The following ARHGAP40 variants were observed in gnomAD, a reference collection of about 807,000 sequenced individuals.
ARHGAP40 encodes Rho GTPase activating protein 40, also known as rho GTPase-activating protein 40.
Under a neutral mutation model 73.5 loss-of-function variants are expected in ARHGAP40, and 43 were observed. That is an observed-to-expected ratio of 0.58 (90% confidence interval 0.46 to 0.75). ARHGAP40 has a LOEUF of 0.75. Among genes scored for constraint, ARHGAP40 ranks in the 30% least tolerant of loss-of-function variants. The probability of loss-of-function intolerance (pLI) is 0.00; values close to 1 mark genes in which losing one functional copy is unlikely to be tolerated. For missense variants in ARHGAP40, 734 were observed against 861.8 expected, an observed-to-expected ratio of 0.85 and a Z score of 1.86; for synonymous variants, 300 against 352.8, an observed-to-expected ratio of 0.85 and a Z score of 1.68.
chr20:38,621,220 A>T (rs995991418), intron 1 of ARHGAP40, among the ~76,000 whole-genome samples: 3 of 152,194 alleles, frequency 2.0e-5, no homozygotes, highest in African/African-American at 7.2e-5. Context: ...AGAACAAACA[A>T]ACATCCAATA....
intron 1 of ARHGAP40, among the ~76,000 whole-genome samples, chr20:38,607,995 T>C (rs2088781913): frequency 6.6e-6 from 1 of 152,226 alleles, no homozygotes; most frequent in Admixed American, 6.5e-5. Flanking sequence ...AGTAACACTT[T>C]ATCATTTGTT....
exon 7 of ARHGAP40, chr20:38,637,795 A>C: frequency 7.7e-7 from 1 of 1,305,066 alleles, no homozygotes; most frequent in Non-Finnish European, 1.0e-6. Context: ...CTGGTCCTTC[A>C]AGCCGTAAGT....
intron 2 of ARHGAP40, 146 bp downstream of exon 2, chr20:38,623,704 C>G: frequency 4.1e-6 from 2 of 492,168 alleles, no homozygotes; most frequent in South Asian, 4.6e-5. Context: ...CACTGCTCTC[C>G]CTGCTTCACC....
exon 4 of ARHGAP40, chr20:38,628,956 T>C: frequency 1.5e-6 from 2 of 1,305,068 alleles, no homozygotes; most frequent in Non-Finnish European, 2.0e-6. Context: ...GCGACTCCGG[T>C]ATGAAGGGGG....
In ARHGAP40 at chr20:38,602,988, A is replaced by G. The variant is rs139340722; in HGVS notation, c.137+909A>G. 2.3e-3 allele frequency among the ~76,000 whole-genome samples: 353 copies of G among 152,356 alleles called. 2 individuals are homozygous for G. The highest frequency in any genetic ancestry group is 7.9e-3 in the African/African-American group (329 of 41,578). On this transcript the variant is annotated intron_variant, in intron 1 of 14. Transcript: ENST00000373345. ...GCAATGAACATCTCTGGGGACTTGC[A>G]TGGGTAAAATTCACATCCTAGACTT...
intron 5 of ARHGAP40, among the ~76,000 whole-genome samples, chr20:38,633,305 A>G (rs2088952970): frequency 6.6e-6 from 1 of 152,208 alleles, no homozygotes; most frequent in Non-Finnish European, 1.5e-5. Flanking sequence ...AATGCTAAAG[A>G]CATCACATAT....
At chr20:38,615,164 A>G (rs1601135591) in intron 1 of ARHGAP40, 8 of 900,140 alleles carry the variant, frequency 8.9e-6, no homozygotes, top group South Asian at 7.8e-5. Flanking sequence ...TGTCTGAAGC[A>G]TGATTTAATG....
intron 11 of ARHGAP40, 109 bp from the exon 12 acceptor site, chr20:38,645,938 C>T (rs1215076447): frequency 9.6e-7 from 1 of 1,046,772 alleles, no homozygotes; most frequent in East Asian, 6.7e-5. Context: ...ATTTCCAAGC[C>T]CTGTGGGACG....
At chr20:38,605,122 G>A (rs950025704) in intron 1 of ARHGAP40, among the ~76,000 whole-genome samples, 3 of 152,196 alleles carry the variant, frequency 2.0e-5, no homozygotes, top group African/African-American at 7.2e-5. Flanking sequence ...CCAGCAGGAC[G>A]GCAACCTTCA....
intron 6 of ARHGAP40, among the ~76,000 whole-genome samples, chr20:38,636,275 T>C (rs2088974688): frequency 6.6e-6 from 1 of 151,798 alleles, no homozygotes; most frequent in South Asian, 2.1e-4. Context: ...TTTTTTTTTT[T>C]TTTTGAGAGA....
chr20:38,634,114 G>C (rs1422005143), intron 5 of ARHGAP40, among the ~76,000 whole-genome samples: 1 of 152,164 alleles, frequency 6.6e-6, no homozygotes, highest in Non-Finnish European at 1.5e-5. Context: ...CACTTTGGGA[G>C]GCTGAGGTGG....
chr20:38,641,852 A>G (rs746793856), intron 10 of ARHGAP40, 44 bp downstream of exon 10: 17 of 1,214,374 alleles, frequency 1.4e-5, no homozygotes, highest in African/African-American at 3.2e-5. Flanking sequence ...ATCTCAGCCC[A>G]CAGCCACAGC....
chr20:38,623,923 G>T (rs1185247958), intron 2 of ARHGAP40, among the ~76,000 whole-genome samples: 4 of 152,172 alleles, frequency 2.6e-5, no homozygotes, highest in Admixed American at 6.5e-5. Flanking sequence ...GAAATTCTAA[G>T]CCCTCTGCTC....
chr20:38,634,779 G>A (rs1443960879), exon 6 of ARHGAP40: 7 of 1,282,742 alleles, frequency 5.5e-6, no homozygotes, highest in Non-Finnish European at 7.2e-6. Flanking sequence ...GAAGTGGAAA[G>A]CGGCAGGTGA....
Position 38,646,143 on chromosome 20 carries a change from A to T in ARHGAP40, c.1666A>T (p.Arg556Trp). ...CGCAGGCCTCAAGACTTGGCTGCGG[A>T]GGATGCACGCAGACAGGGACAAGGC... Residue 556 changes from arginine (R) to tryptophan (W), a missense_variant, in exon 12 of 15, where the codon AGG becomes TGG. Physicochemically the swap from Arg to Trp is moderately radical, Grantham distance 101. Coordinates refer to ENST00000373345, the Ensembl canonical transcript of ARHGAP40. This position sits in a 1 kb window ranked among gnomAD's most constrained non-coding sequence, Gnocchi z 4.5. 7.7e-7 allele frequency: 1 copy of T among 1,304,018 alleles called. No individual in the cohort carries two copies. Among genetic ancestry groups the T allele is most frequent in the Non-Finnish European group, 1.0e-6 (1 of 988,746 alleles). The allele number at this position is 1,304,018 out of a possible 1,614,324, so 80.8% of individuals were successfully genotyped here.
chr20:38,623,590 G>T (rs75568666), intron 2 of ARHGAP40, 32 bp downstream of exon 2: 1 of 1,257,588 alleles, frequency 8.0e-7, no homozygotes. Context: ...CTATAGGGGT[G>T]GTGGGAGGGC....
At chr20:38,612,272 A>T (rs1380567136) in intron 1 of ARHGAP40, among the ~76,000 whole-genome samples, 2 of 152,258 alleles carry the variant, frequency 1.3e-5, no homozygotes, top group Admixed American at 6.5e-5. Context: ...ATTTCATAAA[A>T]TATACAGCCA....
chr20:38,614,188 G>T (rs534769872), intron 1 of ARHGAP40, among the ~76,000 whole-genome samples: 4 of 152,160 alleles, frequency 2.6e-5, no homozygotes, highest in African/African-American at 9.7e-5. Flanking sequence ...TGAGTGATAT[G>T]GGTAGGCATG....
chr20:38,609,985 G>A (rs573233503), intron 1 of ARHGAP40, among the ~76,000 whole-genome samples: 1 of 152,356 alleles, frequency 6.6e-6, no homozygotes, highest in Admixed American at 6.5e-5. Flanking sequence ...CAAAGACAGG[G>A]ATAATGAGGC....
Sources: allele counts gnomAD v4.1 joint callset (sites outside exome capture counted in the v4.1 genomes callset), GRCh38; gene constraint gnomAD v4.1.1; non-coding constraint Gnocchi (gnomAD v3.1); transcripts MANE v1.5; gene names NCBI Gene and HGNC (gene_info 2026-07-23, HGNC 2026-07-21).